Variants in ANKRD28 observed in about 807,000 individuals in gnomAD.
ANKRD28 encodes ankyrin repeat domain 28, also known as serine/threonine-protein phosphatase 6 regulatory ankyrin repeat subunit A.
Under a neutral mutation model 126.5 loss-of-function variants are expected in ANKRD28, and 44 were observed. The ratio of observed to expected loss-of-function variants is 0.35; its 90% CI spans 0.27 to 0.45. The LOEUF is 0.45. Among genes scored for constraint, ANKRD28 ranks in the 20% least tolerant of loss-of-function variants. ANKRD28 has a pLI of 1.00. For missense variants in ANKRD28, 1,110 were observed against 1,316.6 expected, an observed-to-expected ratio of 0.84 and a Z score of 2.43; for synonymous variants, 442 against 468.5, an observed-to-expected ratio of 0.94 and a Z score of 0.73.
chr3:15,708,564 CCT>C (rs576296879), intron 13 of ANKRD28, among the ~76,000 whole-genome samples: 1 of 151,720 alleles, frequency 6.6e-6, no homozygotes, highest in Non-Finnish European at 1.5e-5. Context: ...TTTCAGAAGC[CCT>C]CTCTGTTATT....
At position 15,701,919 on chromosome 3, in the gene ANKRD28, A is replaced by C. The variant is rs949507369; in HGVS notation, c.1548-5674T>G. Among the ~76,000 whole-genome samples, 24 of 152,194 alleles carry C rather than the reference A, an allele frequency of 1.6e-4. 1 individual carries two copies. The highest frequency in any genetic ancestry group is 1.6e-3 in the Admixed American group (24 of 15,286). On this transcript the variant is annotated intron_variant, in intron 14 of 27. Transcript: ENST00000683139. ...TCTGTAGGAATACTTTACAGGCAAA[A>C]ACATTTTACCCAAGGGCATTTAAAA...
intron 10 of ANKRD28, 145 bp from the exon 11 acceptor site, chr3:15,712,367 T>G (rs1261800248): frequency 1.0e-5 from 7 of 690,880 alleles, no homozygotes; most frequent in African/African-American, 3.6e-5. Context: ...GGTTAAAGTT[T>G]GATGGTGGGC....
At chr3:15,809,388 GTC>G (rs1311890007) in intron 1 of ANKRD28, among the ~76,000 whole-genome samples, 2 of 152,248 alleles carry the variant, frequency 1.3e-5, no homozygotes, top group South Asian at 2.1e-4. Context: ...TTTAAGGAGA[GTC>G]TCTGGTCCTG....
chr3:15,731,944 A>C (rs1203980427), intron 6 of ANKRD28: 1 of 148,672 alleles, frequency 6.7e-6, no homozygotes, highest in African/African-American at 2.5e-5. Context: ...CTTCCTTTAC[A>C]CTCACACTGA....
intron 8 of ANKRD28, among the ~76,000 whole-genome samples, chr3:15,716,131 C>T (rs2072993734): frequency 1.3e-5 from 2 of 151,446 alleles, no homozygotes. Context: ...TACAGGCATG[C>T]ACCACCATGC....
At chr3:15,840,529 G>GA (rs563712692) in intron 1 of ANKRD28, among the ~76,000 whole-genome samples, 204 of 149,216 alleles carry the variant, frequency 1.4e-3, no homozygotes, top group African/African-American at 2.9e-3. Flanking sequence ...CACAGAAATA[G>GA]AAAAAAAAAC....
intron 2 of ANKRD28, among the ~76,000 whole-genome samples, chr3:15,778,097 C>T (rs774197054): frequency 6.6e-5 from 10 of 152,096 alleles, no homozygotes; most frequent in Non-Finnish European, 1.3e-4. Flanking sequence ...CGTGGTCTCC[C>T]AGCTGGTATT....
intron 4 of ANKRD28, among the ~76,000 whole-genome samples, chr3:15,738,238 G>A (rs1332187475): frequency 6.6e-6 from 1 of 152,132 alleles, no homozygotes. Context: ...GAGAAATAAA[G>A]GGAAAGAGTA....
In ANKRD28 at chr3:15,835,473, C is replaced by T. The variant is rs1575794702; in HGVS notation, c.27+23904G>A. On this transcript the variant is annotated intron_variant, in intron 1 of 27. Transcript: ENST00000399451. ...AACAAAAAAAGGTAGATTCACGTTC[C>T]TCTTACAGCCTGTGGCTTGTTGCTG... Among the ~76,000 whole-genome samples the T allele has an allele frequency of 2.6e-5, 4 of 152,278 alleles. No homozygotes were observed. The East Asian group carries it at 7.7e-4, about 29-fold the overall frequency.
At chr3:15,677,717 T>C in intron 24 of ANKRD28, 155 bp from the exon 25 acceptor site, 1 of 481,846 alleles carries the variant, frequency 2.1e-6, no homozygotes, top group South Asian at 3.5e-5. Context: ...CATATATATC[T>C]TCATATAATT....
At chr3:15,799,317 G>GA (rs79319325), upstream of ANKRD28, among the ~76,000 whole-genome samples, 20,523 of 143,010 alleles carry the variant, frequency 0.14, 2,096 homozygotes, top group East Asian at 0.59. Context: ...CCATAAAAAG[G>GA]AAAAAAAAAA....
chr3:15,776,240 A>G (rs2059260929), intron 2 of ANKRD28, among the ~76,000 whole-genome samples: 1 of 152,242 alleles, frequency 6.6e-6, no homozygotes, highest in Non-Finnish European at 1.5e-5. Context: ...TAATAATATG[A>G]CATTATCAAG....
chr3:15,737,637 T>C (rs1219392708), intron 4 of ANKRD28, among the ~76,000 whole-genome samples: 2 of 88,640 alleles, frequency 2.3e-5, no homozygotes, highest in African/African-American at 8.6e-5. Context: ...GCTAATTTTT[T>C]AGTTATTTTG....
In ANKRD28 at chr3:15,846,601, G is replaced by C. The variant is rs1374802; in HGVS notation, c.27+12776C>G. ...AAATTCTGACCATTTTATAACAATCGAAAGAGCTCCACTGATTAAAGTAAT... is the reference window on the plus strand; with the variant it reads ...AAATTCTGACCATTTTATAACAATCCAAAGAGCTCCACTGATTAAAGTAAT... On this transcript the variant is annotated intron_variant, in intron 1 of 27. Coordinates refer to the ANKRD28 transcript ENST00000399451. The surrounding 1 kb of genome is among the most constrained non-coding windows in gnomAD (Gnocchi z 5.4). 1.3e-5 allele frequency among the ~76,000 whole-genome samples: 2 copies of C among 152,260 alleles called. No homozygotes were observed. The highest frequency in any genetic ancestry group is 3.9e-4 in the East Asian group (2 of 5,186).
At position 15,814,642 on chromosome 3, in the gene ANKRD28, CAT is replaced by C. The variant is rs1208024786; in HGVS notation, c.28-19338_28-19337del. Among the ~76,000 whole-genome samples the C allele has an allele frequency of 1.3e-5, 2 of 151,906 alleles. No homozygotes were observed. The highest frequency in any genetic ancestry group is 2.9e-5 in the Non-Finnish European group (2 of 67,922). On this transcript the variant is annotated intron_variant, in intron 1 of 27. Coordinates refer to the ANKRD28 transcript ENST00000399451. This position sits in a 1 kb window ranked among gnomAD's most constrained non-coding sequence, Gnocchi z 4.7. ...TCTTAAACACAAACACACACACACA[CAT>C]ATACACACACAAACTTTTCAAATGC...
At chr3:15,856,563 T>C (rs897121114) in intron 1 of ANKRD28, among the ~76,000 whole-genome samples, 1 of 152,166 alleles carries the variant, frequency 6.6e-6, no homozygotes, top group African/African-American at 2.4e-5. Flanking sequence ...AAAAAATGTG[T>C]CCATTCCTAT....
intron 1 of ANKRD28, among the ~76,000 whole-genome samples, chr3:15,831,662 G>T (rs1460580764): frequency 6.6e-6 from 1 of 152,110 alleles, no homozygotes; most frequent in African/African-American, 2.4e-5. Flanking sequence ...ACAAAAAAAG[G>T]GAATAAATTC....
intron 3 of ANKRD28, among the ~76,000 whole-genome samples, chr3:15,752,507 C>T (rs991277221): frequency 2.0e-5 from 3 of 151,996 alleles, no homozygotes; most frequent in African/African-American, 7.2e-5. Context: ...TTACATTATT[C>T]GAGGAGGGAA....
intron 2 of ANKRD28, among the ~76,000 whole-genome samples, chr3:15,794,395 A>G (rs1393555273): frequency 6.6e-6 from 1 of 152,012 alleles, no homozygotes; most frequent in Admixed American, 6.6e-5. Flanking sequence ...TAAAACCACA[A>G]TCATTTCTAG....
Sources: gnomAD v4.1 joint callset for allele counts (sites outside exome capture counted in the v4.1 genomes callset) on GRCh38, gnomAD v4.1.1 for gene constraint, Gnocchi (gnomAD v3.1) non-coding constraint, MANE v1.5 for transcripts, NCBI Gene and HGNC (gene_info 2026-07-23, HGNC 2026-07-21) for gene names.